Variants in CCN4 observed in about 807,000 individuals in gnomAD.
The protein encoded by CCN4 is CCN family member 4.
Under a neutral mutation model 36.7 loss-of-function variants are expected in CCN4, and 30 were observed. That is an observed-to-expected ratio of 0.82 (90% CI 0.61 to 1.11). The LOEUF (loss-of-function observed/expected upper bound fraction) is 1.11. Ranked by LOEUF, CCN4 falls within the 50% of genes least tolerant of loss-of-function variation. CCN4 has a pLI of 0.00. For missense variants in CCN4, 505 were observed against 504.9 expected, an observed-to-expected ratio of 1.00 and a Z score of 0.00; for synonymous variants, 191 against 195.4, an observed-to-expected ratio of 0.98 and a Z score of 0.19.
At chr8:133,211,124 C>G (rs1054851102) in intron 1 of CCN4, among the ~76,000 whole-genome samples, 18 of 152,302 alleles carry the variant, frequency 1.2e-4, no homozygotes, top group African/African-American at 4.3e-4. Flanking sequence ...TTTCCTCATC[C>G]CTGGTCCTTC....
chr8:133,212,511 C>T (rs961981406), intron 1 of CCN4, among the ~76,000 whole-genome samples: 1 of 152,048 alleles, frequency 6.6e-6, no homozygotes, highest in African/African-American at 2.4e-5. Flanking sequence ...CTTCCACCTG[C>T]TCAGGGCCTC....
intron 1 of CCN4, among the ~76,000 whole-genome samples, chr8:133,201,186 C>T (rs901227825): frequency 6.6e-6 from 1 of 152,192 alleles, no homozygotes; most frequent in African/African-American, 2.4e-5. Flanking sequence ...TTGCTAGTGG[C>T]TTTGGAAAAA....
chr8:133,227,323 G>T (rs927009953), intron 4 of CCN4, 88 bp from the exon 5 acceptor site: 5 of 1,414,494 alleles, frequency 3.5e-6, no homozygotes, highest in Non-Finnish European at 4.8e-6. Context: ...CCCACATAGT[G>T]AGAAGGGAAA....
rs1854803384 is a variant in CCN4 at position 133,227,838 on chromosome 8, T to A, written c.*128T>A. On this transcript the variant is annotated 3_prime_UTR_variant, in exon 5 of 5. Transcript: ENST00000250160. ...TGGACCCTTGGCCTCCATTTCTGTC[T>A]CTAACCATTCAAATGACGCCTGATG... 1 of 1,058,528 alleles carries A rather than the reference T, an allele frequency of 9.4e-7. No individual in the cohort carries two copies. Among genetic ancestry groups the A allele is most frequent in the Non-Finnish European group, 1.3e-6 (1 of 748,288 alleles). 65.6% of individuals were successfully genotyped at this position (1,058,528 alleles called of 1,614,324 possible).
intron 1 of CCN4, among the ~76,000 whole-genome samples, chr8:133,198,634 T>C (rs1010965290): frequency 6.6e-6 from 1 of 152,252 alleles, no homozygotes; most frequent in African/African-American, 2.4e-5. Flanking sequence ...ATTCATGAAA[T>C]TGAAGCCATC....
chr8:133,212,167 G>T (rs1421747861), intron 1 of CCN4, among the ~76,000 whole-genome samples: 1 of 152,066 alleles, frequency 6.6e-6, no homozygotes, highest in Non-Finnish European at 1.5e-5. Flanking sequence ...TGGGTGGGGG[G>T]TCTCATTGCC....
intron 2 of CCN4, among the ~76,000 whole-genome samples, chr8:133,218,539 C>A (rs10956697): frequency 0.14 from 21,298 of 152,042 alleles, 1,862 homozygotes; most frequent in East Asian, 0.34. Flanking sequence ...CAGAGGAGAC[C>A]CAGTATCCAA....
chr8:133,220,439 T>C, intron 2 of CCN4, 142 bp from the exon 3 acceptor site: 1 of 1,245,092 alleles, frequency 8.0e-7, no homozygotes, highest in South Asian at 1.5e-5. Context: ...TCCCTGCCTT[T>C]GCCTTTGTGC....
intron 1 of CCN4, among the ~76,000 whole-genome samples, chr8:133,203,899 C>T (rs780790062): frequency 1.3e-5 from 2 of 152,226 alleles, no homozygotes; most frequent in South Asian, 2.1e-4. Context: ...GATATGCAAA[C>T]GTCAAATTAT....
At chr8:133,193,808 C>T (rs1853201430) in intron 1 of CCN4, among the ~76,000 whole-genome samples, 1 of 152,192 alleles carries the variant, frequency 6.6e-6, no homozygotes, top group African/African-American at 2.4e-5. Flanking sequence ...GTAATGTAGC[C>T]TCCTGCCTCC....
rs1049981615 is a variant in CCN4 at position 133,227,734 on chromosome 8, G to A, written c.*24G>A. 8 of 1,601,426 alleles carry A rather than the reference G, an allele frequency of 5.0e-6. No individual in the cohort carries two copies. In the Admixed American group the frequency reaches 8.4e-5, roughly 17 times the overall value. The stretch of plus-strand genomic sequence containing the variant: ...AGGCAGGCACAAATCTTGGGTCTTG[G>A]GGACTAACCCAATGCCTGTGAAGCA... On this transcript the variant is annotated 3_prime_UTR_variant, in exon 5 of 5. Transcript: ENST00000250160.
rs1185974319 is a variant in CCN4, at chr8:133,213,929, CTATA to C, written c.349+791_349+794del. Among the ~76,000 whole-genome samples, 197 of 114,232 alleles carry C rather than the reference CTATA, an allele frequency of 1.7e-3. 1 individual carries two copies. The highest frequency in any genetic ancestry group is 0.016 in the East Asian group (33 of 2,056). The allele number at this position is 114,232 out of a possible 152,430, so 74.9% of individuals were successfully genotyped here. On this transcript the variant is annotated intron_variant, in intron 2 of 4. Coordinates refer to ENST00000250160, the MANE Select transcript of CCN4 (RefSeq NM_003882.4). ...ACACTATATATAGTAGTTATATATA[CTATA>C]TATACACTATATATAGTAGTTATAT... is the stretch of plus-strand genomic sequence containing the variant.
intron 3 of CCN4, among the ~76,000 whole-genome samples, chr8:133,223,632 T>TTC (rs943332279): frequency 7.8e-4 from 113 of 144,080 alleles, no homozygotes; most frequent in Admixed American, 5.2e-3. Context: ...TCCTGTTTCT[T>TTC]TCTCTCTCTC....
Position 133,212,958 on chromosome 8 carries a change from GC to G in CCN4, c.167del (p.Pro56ArgfsTer57). 1 of 1,613,938 alleles carries G rather than the reference GC, an allele frequency of 6.2e-7. No homozygotes were observed. Among genetic ancestry groups the G allele is most frequent in the Non-Finnish European group, 8.5e-7 (1 of 1,179,954 alleles). On this transcript the variant is annotated frameshift_variant, in exon 2 of 5. Transcript: ENST00000250160. LOFTEE classifies it high-confidence loss of function. ...CAATTCTGCAAGTGGCCATGTGAGTGCCCGCCATCCCCACCCCGCTGCCCGC... is the reference window on the plus strand; with the variant it reads ...CAATTCTGCAAGTGGCCATGTGAGTGCCGCCATCCCCACCCCGCTGCCCGC... ...RPQFCKWPCE[C>X]PPSPPRCPLG...
chr8:133,211,651 G>A (rs927902425), intron 1 of CCN4, among the ~76,000 whole-genome samples: 11 of 152,158 alleles, frequency 7.2e-5, no homozygotes, highest in African/African-American at 2.7e-4. Context: ...CCAGATGGAG[G>A]GAGCAGCCCA....
At chr8:133,199,107 AT>A (rs1474393664) in intron 1 of CCN4, among the ~76,000 whole-genome samples, 1 of 152,170 alleles carries the variant, frequency 6.6e-6, no homozygotes, top group Non-Finnish European at 1.5e-5. Flanking sequence ...AAAGGAGGGA[AT>A]TTGGCAAGAG....
At chr8:133,196,276 A>G (rs1248855395) in intron 1 of CCN4, among the ~76,000 whole-genome samples, 1 of 152,214 alleles carries the variant, frequency 6.6e-6, no homozygotes, top group Non-Finnish European at 1.5e-5. Context: ...AGCACTTGAA[A>G]TGAGGCTGGT....
intron 2 of CCN4, among the ~76,000 whole-genome samples, chr8:133,215,203 C>A (rs1264221585): frequency 1.3e-5 from 2 of 152,204 alleles, no homozygotes; most frequent in Non-Finnish European, 2.9e-5. Flanking sequence ...CCACCCCAGA[C>A]TTGTTGAATC....
At chr8:133,215,638 A>G (rs1854294070) in intron 2 of CCN4, among the ~76,000 whole-genome samples, 2 of 151,732 alleles carry the variant, frequency 1.3e-5, no homozygotes, top group South Asian at 2.1e-4. Context: ...CTCACCCCCT[A>G]TCTCTGCATC....
Sources: gnomAD v4.1 joint callset for allele counts (sites outside exome capture counted in the v4.1 genomes callset) on GRCh38, gnomAD v4.1.1 for gene constraint, MANE v1.5 for transcripts, NCBI Gene and HGNC (gene_info 2026-07-23, HGNC 2026-07-21) for gene names.